Variants in UBE2D3 observed in about 807,000 individuals in gnomAD.
The protein encoded by UBE2D3 is ubiquitin conjugating enzyme E2 D3.
In UBE2D3, 2 loss-of-function variants were observed where a neutral mutation model predicts 22.8. The observed-to-expected ratio is 0.09, with a 90% CI of 0.04 to 0.28. The LOEUF is 0.28. UBE2D3 is among the 10% of genes least tolerant of loss of function. The probability of loss-of-function intolerance (pLI) is 1.00; values close to 1 mark genes in which losing one functional copy is unlikely to be tolerated. For missense variants in UBE2D3, 27 were observed against 182.5 expected, an observed-to-expected ratio of 0.15 and a Z score of 4.91; for synonymous variants, 56 against 60.4, an observed-to-expected ratio of 0.93 and a Z score of 0.34.
chr4:102,865,214 C>T (rs223337), intron 1 of UBE2D3, among the ~76,000 whole-genome samples: 84,620 of 151,910 alleles, frequency 0.56, 24,391 homozygotes, highest in African/African-American at 0.72. Context: ...ACATACACGG[C>T]CAGGCACGGT....
At chr4:102,827,881 G>A (rs1470047508), upstream of UBE2D3, 3 of 985,538 alleles carry the variant, frequency 3.0e-6, no homozygotes, top group African/African-American at 1.7e-5. Context: ...GGAAGGTAAA[G>A]GAAGCAGCCG....
intron 4 of UBE2D3, among the ~76,000 whole-genome samples, chr4:102,803,587 G>GT (rs1726545033): frequency 6.6e-6 from 1 of 152,162 alleles, no homozygotes; most frequent in African/African-American, 2.4e-5. Flanking sequence ...CTGTATGTGT[G>GT]TTAAGGGATC....
At chr4:102,808,015 T>C (rs1727340633) in intron 4 of UBE2D3, among the ~76,000 whole-genome samples, 2 of 152,248 alleles carry the variant, frequency 1.3e-5, no homozygotes, top group African/African-American at 2.4e-5. Flanking sequence ...AACTATCAAC[T>C]ACCCTCTGAA....
chr4:102,802,530 A>G (rs1209226419), intron 5 of UBE2D3, 31 bp downstream of exon 5: 2 of 1,543,660 alleles, frequency 1.3e-6, no homozygotes, highest in Admixed American at 3.5e-5. Flanking sequence ...GCATAAATCT[A>G]TACTAACAGA....
intron 1 of UBE2D3, among the ~76,000 whole-genome samples, chr4:102,848,921 CTGTGTGTGTG>C (rs147050383): frequency 0.13 from 18,247 of 142,708 alleles, 1,234 homozygotes; most frequent in Admixed American, 0.17. Flanking sequence ...TTATGTGTGC[CTGTGTGTGTG>C]TGTGTGTGTG....
chr4:102,794,752 A>G lies in UBE2D3; in HGVS notation c.*2663T>C, dbSNP rs915412961. The G allele has an allele frequency of 6.6e-6, 1 of 152,110 alleles. No individual in the cohort carries two copies. The highest frequency in any genetic ancestry group is 1.5e-5 in the Non-Finnish European group (1 of 67,964). The allele number at this position is 152,110 out of a possible 1,614,324, so 9.4% of individuals were successfully genotyped here. A position where few individuals can be genotyped will look rare whatever the true frequency, so the allele number is the denominator to read the frequency against. ...CATACTTTAAAATGTGAGTACACCC[A>G]CACAAGAAAGCAAATTAATCAGTTT... On this transcript the variant is annotated 3_prime_UTR_variant, in exon 8 of 8. Coordinates refer to ENST00000453744, the MANE Select transcript of UBE2D3 (RefSeq NM_181891.3).
intron 2 of UBE2D3, among the ~76,000 whole-genome samples, chr4:102,816,303 A>G (rs1728771000): frequency 6.6e-6 from 1 of 152,218 alleles, no homozygotes; most frequent in Non-Finnish European, 1.5e-5. Flanking sequence ...TCAAAGGGAC[A>G]TTCTTCCTTC....
chr4:102,809,558 C>T lies in UBE2D3; in HGVS notation c.120+114G>A, dbSNP rs1298513758. The T allele has an allele frequency of 2.6e-6, 3 of 1,133,652 alleles. No homozygotes were observed. The Admixed American group carries it at 8.4e-5, about 32-fold the overall frequency. 70.2% of individuals were successfully genotyped at this position (1,133,652 alleles called of 1,614,324 possible). A position where few individuals can be genotyped will look rare whatever the true frequency, so the allele number is the denominator to read the frequency against. ...CAAATGCAGTACAACTATGGAATAT[C>T]CAAAATAGAATTAACTATATGATAA... is the stretch of plus-strand genomic sequence containing the variant. On this transcript the variant is annotated intron_variant, in intron 4 of 7. Coordinates refer to ENST00000453744, the MANE Select transcript of UBE2D3 (RefSeq NM_181891.3).
At chr4:102,841,657 T>C (rs1731762747) in intron 1 of UBE2D3, among the ~76,000 whole-genome samples, 1 of 152,218 alleles carries the variant, frequency 6.6e-6, no homozygotes, top group African/African-American at 2.4e-5. Context: ...GATTAACATT[T>C]CATCACTCAA....
At chr4:102,859,710 T>C (rs1183514444) in intron 1 of UBE2D3, among the ~76,000 whole-genome samples, 1 of 151,952 alleles carries the variant, frequency 6.6e-6, no homozygotes, top group African/African-American at 2.4e-5. Context: ...TTTTCCTCTT[T>C]GTTCCTTTGA....
At chr4:102,830,640 G>A (rs536363412), upstream of UBE2D3, among the ~76,000 whole-genome samples, 1 of 152,334 alleles carries the variant, frequency 6.6e-6, no homozygotes, top group East Asian at 1.9e-4. Flanking sequence ...AAGGTGGAAC[G>A]ATCACTTGAG....
intron 2 of UBE2D3, among the ~76,000 whole-genome samples, chr4:102,817,296 C>A (rs1363069344): frequency 6.6e-6 from 1 of 152,152 alleles, no homozygotes; most frequent in Non-Finnish European, 1.5e-5. Flanking sequence ...AATGGGAAAT[C>A]ACTGATGGTT....
chr4:102,866,288 T>C (rs770460884), intron 1 of UBE2D3, among the ~76,000 whole-genome samples: 27 of 152,220 alleles, frequency 1.8e-4, no homozygotes, highest in Non-Finnish European at 3.2e-4. Flanking sequence ...TTGCATTCAC[T>C]ACATTTTTTC....
upstream of UBE2D3, among the ~76,000 whole-genome samples, chr4:102,829,587 G>A (rs1315819818): frequency 6.6e-6 from 1 of 152,182 alleles, no homozygotes; most frequent in Admixed American, 6.5e-5. Flanking sequence ...AGACTCTACA[G>A]TGCTGTATAA....
chr4:102,806,702 A>C (rs1479097123), intron 4 of UBE2D3, among the ~76,000 whole-genome samples: 1 of 152,156 alleles, frequency 6.6e-6, no homozygotes, highest in Non-Finnish European at 1.5e-5. Context: ...GTTGTTCTCT[A>C]AATCCACTTT....
At chr4:102,862,106 A>G (rs1732926858) in intron 1 of UBE2D3, among the ~76,000 whole-genome samples, 2 of 151,916 alleles carry the variant, frequency 1.3e-5, no homozygotes, top group South Asian at 4.2e-4. Flanking sequence ...ATTTCAAAAT[A>G]GTTTCGCCAT....
chr4:102,803,862 G>A lies in UBE2D3; in HGVS notation c.121-1224C>T, dbSNP rs1726591029. ...CAGCTCACTGCGACCTCTGCCTCCT[G>A]GGTTCAAGCAACTCTCCTGCCTCAG... On this transcript the variant is annotated intron_variant, in intron 4 of 7. Transcript: ENST00000453744. 1.3e-5 allele frequency among the ~76,000 whole-genome samples: 2 copies of A among 152,110 alleles called. 1 individual carries two copies. The highest frequency in any genetic ancestry group is 4.1e-4 in the South Asian group (2 of 4,830).
Position 102,802,443 on chromosome 4 carries a change from A to C in UBE2D3, c.198+118T>G, listed in dbSNP as rs997162445. The C allele has an allele frequency of 1.9e-4, 138 of 726,070 alleles. 2 individuals are homozygous for C. The highest frequency in any genetic ancestry group is 2.6e-4 in the Middle Eastern group (1 of 3,874). 45.0% of individuals were successfully genotyped at this position (726,070 alleles called of 1,614,324 possible). ...AAAGGTTAAGAGTCAGCATCTATAC[A>C]TGAGTGCAATTCAACATATATATAC... On this transcript the variant is annotated intron_variant, in intron 5 of 7. Transcript: ENST00000453744.
At chr4:102,832,195 T>G (rs1026462730), upstream of UBE2D3, among the ~76,000 whole-genome samples, 2 of 152,048 alleles carry the variant, frequency 1.3e-5, no homozygotes, top group Admixed American at 6.6e-5. Context: ...GGAAAAAAAT[T>G]GTGAGGGAGG....
Sources: gnomAD v4.1 joint callset for allele counts (sites outside exome capture counted in the v4.1 genomes callset) on GRCh38, gnomAD v4.1.1 for gene constraint, MANE v1.5 for transcripts, NCBI Gene and HGNC (gene_info 2026-07-23, HGNC 2026-07-21) for gene names.